Variants in NLRP11 observed in about 807,000 individuals in gnomAD.
The protein encoded by NLRP11 is NACHT, LRR and PYD domains-containing protein 11.
Under a neutral mutation model 79.3 loss-of-function variants are expected in NLRP11, and 53 were observed. The ratio of observed to expected loss-of-function variants is 0.67; its 90% confidence interval spans 0.54 to 0.84. The LOEUF is 0.84. Ranked by LOEUF, NLRP11 falls within the 40% of genes least tolerant of loss-of-function variation. NLRP11 has a pLI of 0.00. For missense variants in NLRP11, 1,264 were observed against 1,255.0 expected, an observed-to-expected ratio of 1.01 and a Z score of -0.11; for synonymous variants, 518 against 462.6, an observed-to-expected ratio of 1.12 and a Z score of -1.54.
At chr19:55,792,531 G>A (rs572698966) in intron 6 of NLRP11, 60 bp from the exon 7 acceptor site, 1 of 1,422,794 alleles carries the variant, frequency 7.0e-7, no homozygotes, top group South Asian at 1.2e-5. Flanking sequence ...GAGCACCTGA[G>A]ACCACCCACC....
At chr19:55,827,808 A>G (rs201306994) in intron 1 of NLRP11, among the ~76,000 whole-genome samples, 2 of 148,650 alleles carry the variant, frequency 1.3e-5, no homozygotes, top group African/African-American at 2.5e-5. Flanking sequence ...ACACTTTTAC[A>G]CTGTTGGTGG....
At chr19:55,793,822 G>A (rs916495534) in intron 6 of NLRP11, among the ~76,000 whole-genome samples, 2 of 152,016 alleles carry the variant, frequency 1.3e-5, no homozygotes, top group African/African-American at 2.4e-5. Flanking sequence ...ATACTAATGC[G>A]TGCTTATTTT....
chr19:55,830,113 C>A (rs1384405477), intron 1 of NLRP11, among the ~76,000 whole-genome samples: 1 of 152,126 alleles, frequency 6.6e-6, no homozygotes, highest in Non-Finnish European at 1.5e-5. Flanking sequence ...TTCAAGGGTC[C>A]ACTGTAAATC....
rs762153853 is a variant in NLRP11 at position 55,819,332 on chromosome 19, C to T, written c.-62-1096G>A. ...ACACACAAACCTGTGAAAATGCCAC[C>T]CAAAAAAGCATGTGTGCAACTGCCA... On this transcript the variant is annotated intron_variant, in intron 1 of 9. Transcript: ENST00000589093. Among the ~76,000 whole-genome samples the T allele has an allele frequency of 1.1e-3, 170 of 152,182 alleles. 2 individuals carry two copies. Among genetic ancestry groups the T allele is most frequent in the East Asian group, 1.4e-3 (7 of 5,176 alleles).
chr19:55,820,182 C>T (rs890242067), intron 1 of NLRP11, among the ~76,000 whole-genome samples: 9 of 152,088 alleles, frequency 5.9e-5, no homozygotes, highest in African/African-American at 1.7e-4. Context: ...CCTCTCCTCC[C>T]CTAAAGGAGC....
intron 6 of NLRP11, among the ~76,000 whole-genome samples, chr19:55,792,892 G>A (rs1025381249): frequency 3.3e-5 from 5 of 152,182 alleles, no homozygotes; most frequent in Admixed American, 2.6e-4. Context: ...GGGAAAAAGT[G>A]GAGACAGACG....
intron 1 of NLRP11, among the ~76,000 whole-genome samples, chr19:55,831,123 C>A (rs1005128204): frequency 7.7e-6 from 1 of 130,156 alleles, no homozygotes; most frequent in Non-Finnish European, 1.6e-5. Context: ...CCCCCACCCC[C>A]CCGCCCACAA....
chr19:55,801,646 C>A lies in NLRP11; in HGVS notation c.2097G>T (p.Thr699=), dbSNP rs749166737. The A allele has an allele frequency of 2.5e-6, 4 of 1,613,872 alleles. No individual in the cohort carries two copies. The South Asian group carries it at 3.3e-5, about 13-fold the overall frequency. The change falls in exon 5 of 10, where the codon ACG becomes ACT. Residue 699 remains threonine, a synonymous_variant. Transcript: ENST00000589093. ...GTGAAAACATATTTAGGGAAATGGA[C>A]GTACAGTTGATACTCAGGTATGTCA...
intron 3 of NLRP11, among the ~76,000 whole-genome samples, 198 bp downstream of exon 3, chr19:55,808,568 AACT>A (rs1227870667): frequency 6.6e-6 from 1 of 152,184 alleles, no homozygotes; most frequent in Non-Finnish European, 1.5e-5. Context: ...GCTGGCCCAA[AACT>A]TCAACAGTGC....
At chr19:55,801,344 T>A (rs919749297) in intron 5 of NLRP11, among the ~76,000 whole-genome samples, 5 of 152,070 alleles carry the variant, frequency 3.3e-5, no homozygotes, top group Non-Finnish European at 7.4e-5. Context: ...TAGAGAAATA[T>A]CAGTCAAGGG....
upstream of NLRP11, among the ~76,000 whole-genome samples, chr19:55,834,390 A>G (rs562243081): frequency 5.9e-5 from 9 of 152,346 alleles, no homozygotes; most frequent in African/African-American, 2.2e-4. Context: ...CATGAGAACA[A>G]TGTTCAAGTA....
chr19:55,806,573 AAAAG>A, intron 4 of NLRP11, among the ~76,000 whole-genome samples: 1 of 152,330 alleles, frequency 6.6e-6, no homozygotes, highest in East Asian at 1.9e-4. Flanking sequence ...AATGCCAAGA[AAAAG>A]AGCCTCCTCT....
At chr19:55,796,714 T>C (rs1473872998) in intron 5 of NLRP11, among the ~76,000 whole-genome samples, 1 of 148,698 alleles carries the variant, frequency 6.7e-6, no homozygotes, top group African/African-American at 2.5e-5. Context: ...TGAGATGGAG[T>C]CTTGCTCTGT....
chr19:55,789,052 G>T, intron 8 of NLRP11, 75 bp from the exon 9 acceptor site: 1 of 1,528,332 alleles, frequency 6.5e-7, no homozygotes, highest in Non-Finnish European at 9.0e-7. Context: ...GTGAGAACTG[G>T]ACATCTACTA....
intron 7 of NLRP11, among the ~76,000 whole-genome samples, chr19:55,790,875 T>C (rs997736669): frequency 1.3e-5 from 2 of 152,178 alleles, no homozygotes; most frequent in African/African-American, 2.4e-5. Flanking sequence ...TGATCAATAA[T>C]GTGGGCTTCC....
upstream of NLRP11, among the ~76,000 whole-genome samples, chr19:55,832,317 A>C (rs1043833295): frequency 1.3e-5 from 2 of 152,216 alleles, no homozygotes; most frequent in African/African-American, 4.8e-5. Flanking sequence ...TCAATTTCGG[A>C]TAACCATCTA....
intron 4 of NLRP11, among the ~76,000 whole-genome samples, chr19:55,806,041 C>T (rs1488368681): frequency 2.6e-5 from 4 of 152,140 alleles, no homozygotes; most frequent in Admixed American, 2.0e-4. Flanking sequence ...CACTGGGATC[C>T]GAGGATACCA....
At chr19:55,789,273 T>A (rs761593692) in exon 8 of NLRP11, 31 of 1,614,116 alleles carry the variant, frequency 1.9e-5, no homozygotes, top group Non-Finnish European at 2.4e-5. Context: ...AACCACCACA[T>A]AGCAGCTGCA....
chr19:55,801,720 C>T (rs780706967), exon 5 of NLRP11: 18 of 1,614,142 alleles, frequency 1.1e-5, no homozygotes, highest in Non-Finnish European at 1.4e-5. Flanking sequence ...AAACCAGAAG[C>T]AGTCGAGACA....
Sources: allele counts gnomAD v4.1 joint callset (sites outside exome capture counted in the v4.1 genomes callset), GRCh38; gene constraint gnomAD v4.1.1; transcripts MANE v1.5; gene names NCBI Gene and HGNC (gene_info 2026-07-23, HGNC 2026-07-21).